The following HYAL4 variants were observed in gnomAD, a reference collection of about 807,000 sequenced individuals.
HYAL4 encodes the protein hyaluronidase 4.
Under a neutral mutation model 35.2 loss-of-function variants are expected in HYAL4, and 37 were observed. The observed-to-expected ratio is 1.05, with a 90% CI of 0.81 to 1.38. The LOEUF is 1.38. HYAL4 is among the 40% of genes most tolerant of loss of function. HYAL4 has a pLI of 0.00. For missense variants in HYAL4, 572 were observed against 572.4 expected, an observed-to-expected ratio of 1.00 and a Z score of 0.01; for synonymous variants, 198 against 203.2, an observed-to-expected ratio of 0.97 and a Z score of 0.22.
chr7:123,848,372 G>A (rs1045863685), intron 2 of HYAL4, among the ~76,000 whole-genome samples: 1 of 152,092 alleles, frequency 6.6e-6, no homozygotes, highest in African/African-American at 2.4e-5. Flanking sequence ...TGATAGTTAC[G>A]AGCTAAATTT....
intron 1 of HYAL4, among the ~76,000 whole-genome samples, chr7:123,830,915 A>T (rs769715594): frequency 6.6e-6 from 1 of 151,996 alleles, no homozygotes; most frequent in Non-Finnish European, 1.5e-5. Flanking sequence ...TTCCTCTCAC[A>T]TTTCTAAGTC....
chr7:123,786,169 AAAATACAGACT>A, the HYAL4 span, among the ~76,000 whole-genome samples: 2 of 152,182 alleles, frequency 1.3e-5, no homozygotes, highest in African/African-American at 4.8e-5. Flanking sequence ...ACATTTTTTG[AAAATACAGACT>A]GTGCTTTAAG....
chr7:123,868,391 C>A lies in HYAL4; in HGVS notation c.118C>A (p.Leu40Ile). Residue 40 changes from leucine (L) to isoleucine (I), a missense_variant, in exon 3 of 5, where the codon CTT becomes ATT. Leu to Ile is a conservative substitution (Grantham distance 5). Coordinates refer to ENST00000223026, the MANE Select transcript of HYAL4 (RefSeq NM_012269.3). The stretch of plus-strand genomic sequence containing the variant: ...TATCTCTTGTCTAAAACCTGCTCGA[C>A]TTCCAATTTATCAAAGGAAACCTTT... The part of the protein sequence containing the change: ...KSISCLKPAR[L>I]PIYQRKPFIA... 1 of 1,612,934 alleles carries A rather than the reference C, an allele frequency of 6.2e-7. No homozygotes were observed. The highest frequency in any genetic ancestry group is 8.5e-7 in the Non-Finnish European group (1 of 1,179,374).
Position 123,868,405 on chromosome 7 carries a change from A to G in HYAL4, c.132A>G (p.Gln44=). 6.2e-7 allele frequency: 1 copy of G among 1,613,130 alleles called. No individual in the cohort carries two copies. The highest frequency in any genetic ancestry group is 1.3e-5 in the African/African-American group (1 of 74,950). ...CLKPARLPIY[Q]RKPFIAAWNA... ...AACCTGCTCGACTTCCAATTTATCAAAGGAAACCTTTTATAGCTGCTTGGA... is the reference window on the plus strand; with the variant it reads ...AACCTGCTCGACTTCCAATTTATCAGAGGAAACCTTTTATAGCTGCTTGGA... Residue 44 remains glutamine, a synonymous_variant, in exon 3 of 5, where the codon CAA becomes CAG. Transcript: ENST00000223026.
At chr7:123,829,967 G>A (rs1805855663) in intron 1 of HYAL4, among the ~76,000 whole-genome samples, 3 of 152,188 alleles carry the variant, frequency 2.0e-5, no homozygotes. Flanking sequence ...GAGAGTCAAA[G>A]CCTCTCTGAT....
the HYAL4 span, among the ~76,000 whole-genome samples, chr7:123,811,641 T>C: frequency 9.5e-3 from 1,444 of 152,288 alleles, 25 homozygotes; most frequent in African/African-American, 0.033. Flanking sequence ...GTCTTCTCAT[T>C]TTCTTAACAG....
At chr7:123,819,418 T>G in the HYAL4 span, 3 of 152,736 alleles carry the variant, frequency 2.0e-5, no homozygotes, top group African/African-American at 7.2e-5. Context: ...GATATGAATA[T>G]TCTGCTTCAA....
At chr7:123,791,012 G>T in the HYAL4 span, among the ~76,000 whole-genome samples, 1 of 152,034 alleles carries the variant, frequency 6.6e-6, no homozygotes, top group African/African-American at 2.4e-5. Context: ...TGATCCACCC[G>T]CCTCGGCCTC....
chr7:123,783,601 T>TTGGTC, the HYAL4 span, among the ~76,000 whole-genome samples: 260 of 152,218 alleles, frequency 1.7e-3, no homozygotes, highest in African/African-American at 6.1e-3. Flanking sequence ...AGTATAAGTA[T>TTGGTC]TTTCAGGCCA....
the HYAL4 span, among the ~76,000 whole-genome samples, chr7:123,777,111 G>A: frequency 4.6e-5 from 7 of 152,210 alleles, no homozygotes; most frequent in Admixed American, 2.0e-4. Context: ...AGACCATTTT[G>A]AAGCCATACG....
the HYAL4 span, chr7:123,790,525 T>C: frequency 6.6e-6 from 1 of 151,984 alleles, no homozygotes; most frequent in Non-Finnish European, 1.5e-5. Flanking sequence ...CTCTTGAAAC[T>C]TAGTGCAAAG....
intron 3 of HYAL4, among the ~76,000 whole-genome samples, chr7:123,869,837 A>ACCCC (rs36110237): frequency 1.4e-5 from 2 of 140,122 alleles, no homozygotes; most frequent in Non-Finnish European, 3.1e-5. Context: ...ACAGGTGCTC[A>ACCCC]CCCCCCCCCA....
intron 2 of HYAL4, among the ~76,000 whole-genome samples, chr7:123,865,034 C>A (rs543947609): frequency 1.3e-5 from 2 of 151,436 alleles, no homozygotes; most frequent in South Asian, 4.2e-4. Flanking sequence ...AGTTCTCTTT[C>A]AACTACAGTG....
At chr7:123,769,357 T>G in the HYAL4 span, among the ~76,000 whole-genome samples, 1,523 of 152,220 alleles carry the variant, frequency 0.01, 25 homozygotes, top group African/African-American at 0.034. Context: ...TAGGAGTGTT[T>G]ATGGGACCTG....
chr7:123,875,532 C>T (rs1267402000), intron 4 of HYAL4, among the ~76,000 whole-genome samples: 1 of 151,770 alleles, frequency 6.6e-6, no homozygotes, highest in Non-Finnish European at 1.5e-5. Flanking sequence ...TGACACATGC[C>T]TGTAATCCCA....
the HYAL4 span, among the ~76,000 whole-genome samples, chr7:123,786,713 G>GCCAT: frequency 1.3e-5 from 2 of 148,462 alleles, no homozygotes; most frequent in East Asian, 2.0e-4. Flanking sequence ...TGTATCACAT[G>GCCAT]CTATCTATCT....
intron 3 of HYAL4, among the ~76,000 whole-genome samples, chr7:123,872,451 G>A (rs908049449): frequency 2.6e-5 from 4 of 152,140 alleles, no homozygotes; most frequent in African/African-American, 9.7e-5. Flanking sequence ...TCCCCACAGT[G>A]GGCACGTTGC....
At chr7:123,808,453 G>A in the HYAL4 span, among the ~76,000 whole-genome samples, 1 of 136,520 alleles carries the variant, frequency 7.3e-6, no homozygotes. Context: ...GTGTGTGTGT[G>A]TGTGTGTGTG....
At chr7:123,824,268 C>A (rs922039985), upstream of HYAL4, among the ~76,000 whole-genome samples, 5 of 152,096 alleles carry the variant, frequency 3.3e-5, no homozygotes, top group African/African-American at 1.2e-4. Flanking sequence ...TGGCAGATGG[C>A]AAGTGCCATG....
Sources: allele counts gnomAD v4.1 joint callset (sites outside exome capture counted in the v4.1 genomes callset), GRCh38; gene constraint gnomAD v4.1.1; transcripts MANE v1.5; gene names NCBI Gene and HGNC (gene_info 2026-07-23, HGNC 2026-07-21).